The following ABI3 variants were observed in gnomAD, a reference collection of about 807,000 sequenced individuals.
ABI3 encodes ABI family member 3.
ABI3 carries 24 observed loss-of-function variants against 37.0 expected under a neutral mutation model. The observed-to-expected ratio is 0.65, with a 90% CI of 0.47 to 0.91. The LOEUF (loss-of-function observed/expected upper bound fraction) is 0.91, where lower values mean the gene tolerates loss of function less well. Ranked by LOEUF, ABI3 falls within the 40% of genes least tolerant of loss-of-function variation. The pLI is 0.00. For synonymous variants in ABI3, 220 were observed against 211.8 expected, an observed-to-expected ratio of 1.04 and a Z score of -0.34; for missense variants, 481 against 485.1, an observed-to-expected ratio of 0.99 and a Z score of 0.08.
At chr17:49,213,655 A>G (rs1176719582) in intron 1 of ABI3, among the ~76,000 whole-genome samples, 1 of 152,212 alleles carries the variant, frequency 6.6e-6, no homozygotes, top group African/African-American at 2.4e-5. Flanking sequence ...GTCCCTGCGG[A>G]CCTAACTTTG....
At chr17:49,216,438 C>G in intron 1 of ABI3, 93 bp from the exon 2 acceptor site, 4 of 1,257,922 alleles carry the variant, frequency 3.2e-6, no homozygotes, top group Non-Finnish European at 4.1e-6. Context: ...AATCCAGCCC[C>G]TACTTTCCCT....
chr17:49,214,642 G>A (rs948163973), intron 1 of ABI3, among the ~76,000 whole-genome samples: 6 of 152,172 alleles, frequency 3.9e-5, no homozygotes, highest in Admixed American at 6.5e-5. Flanking sequence ...CCCAGGAGGC[G>A]GAGGTTGGGG....
Position 49,210,854 on chromosome 17 carries a change from GGCGGAA to G in ABI3, c.117+16_117+21del, listed in dbSNP as rs2043158536. 4.5e-6 allele frequency: 7 copies of G among 1,541,574 alleles called. No homozygotes were observed. Among genetic ancestry groups the G allele is most frequent in the Middle Eastern group, 1.7e-4 (1 of 5,860 alleles). Reference sequence around the variant, plus strand: ...CAACTATGTGCAGGTAGGTAGAGCGGGCGGAAGCCTGACACCCCAGCCCCCGGAGGG... The same window carrying G: ...CAACTATGTGCAGGTAGGTAGAGCGGGCCTGACACCCCAGCCCCCGGAGGG... On this transcript the variant is annotated intron_variant, in intron 1 of 7. Coordinates refer to ENST00000225941, the MANE Select transcript of ABI3 (RefSeq NM_016428.3). The surrounding 1 kb of genome is among the most constrained non-coding windows in gnomAD (Gnocchi z 4.2).
At chr17:49,218,328 T>G (rs1252786147) in intron 3 of ABI3, among the ~76,000 whole-genome samples, 2 of 152,112 alleles carry the variant, frequency 1.3e-5, no homozygotes, top group Non-Finnish European at 2.9e-5. Context: ...CTGCTGTTGG[T>G]GAGAAGAAGC....
rs1349128350 is a variant in ABI3 at position 49,219,130 on chromosome 17, A to G, written c.463-410A>G. On this transcript the variant is annotated intron_variant, in intron 3 of 7. Transcript: ENST00000225941. This position sits in a 1 kb window ranked among gnomAD's most constrained non-coding sequence, Gnocchi z 4.3. ...TAACTCCCCAAAGCCAGTTCCACAA[A>G]TCTTCGAAAATGAAAGGTGGGACAC... is the stretch of plus-strand genomic sequence containing the variant. 2.0e-5 allele frequency among the ~76,000 whole-genome samples: 3 copies of G among 152,082 alleles called. No homozygotes were observed. The highest frequency in any genetic ancestry group is 4.4e-5 in the Non-Finnish European group (3 of 68,010).
intron 1 of ABI3, among the ~76,000 whole-genome samples, chr17:49,215,787 C>T (rs1054546306): frequency 6.6e-6 from 1 of 151,092 alleles, no homozygotes; most frequent in Non-Finnish European, 1.5e-5. Context: ...TGTAAGCCAC[C>T]GTGCCTGACA....
In ABI3 at chr17:49,219,965, A is replaced by G. The variant is rs1382427138; in HGVS notation, c.644+12A>G. 1 of 1,271,152 alleles carries G rather than the reference A, an allele frequency of 7.9e-7. No homozygotes were observed. The highest frequency in any genetic ancestry group is 2.5e-5 in the East Asian group (1 of 40,088). The allele number at this position is 1,271,152 out of a possible 1,614,324, so 78.7% of individuals were successfully genotyped here. On this transcript the variant is annotated intron_variant, in intron 5 of 7. Coordinates refer to ENST00000225941, the MANE Select transcript of ABI3 (RefSeq NM_016428.3). The surrounding 1 kb of genome is among the most constrained non-coding windows in gnomAD (Gnocchi z 4.3). ...CTGGCCTCGGCCGGGTGAGACCTAC[A>G]AGCCCACGTGGGTGGGTGGGGGGTG...
At chr17:49,218,637 C>G (rs1452711628) in intron 3 of ABI3, among the ~76,000 whole-genome samples, 4 of 149,336 alleles carry the variant, frequency 2.7e-5, no homozygotes, top group Non-Finnish European at 5.9e-5. Flanking sequence ...GAGTTTCGCT[C>G]TTGTTGTCCA....
In ABI3 at chr17:49,219,977, G is replaced by T; in HGVS notation, c.644+24G>T. The T allele has an allele frequency of 1.6e-6, 2 of 1,247,470 alleles. No homozygotes were observed. Among genetic ancestry groups the T allele is most frequent in the South Asian group, 2.6e-5 (2 of 78,304 alleles). 77.3% of individuals were successfully genotyped at this position (1,247,470 alleles called of 1,614,324 possible). A position where few individuals can be genotyped will look rare whatever the true frequency, so the allele number is the denominator to read the frequency against. On this transcript the variant is annotated intron_variant, in intron 5 of 7. Coordinates refer to ENST00000225941, the MANE Select transcript of ABI3 (RefSeq NM_016428.3). This position sits in a 1 kb window ranked among gnomAD's most constrained non-coding sequence, Gnocchi z 4.3. The stretch of plus-strand genomic sequence containing the variant: ...GGGTGAGACCTACAAGCCCACGTGG[G>T]TGGGTGGGGGGTGGGAAGTGGCTTT...
In ABI3 at chr17:49,220,271, C is replaced by G. The variant is rs749003957; in HGVS notation, c.747C>G (p.Ala249=). 65 of 1,607,002 alleles carry G rather than the reference C, an allele frequency of 4.0e-5. 1 individual carries two copies. The highest frequency in any genetic ancestry group is 7.8e-5 in the South Asian group (7 of 89,826). The stretch of plus-strand genomic sequence containing the variant: ...TGGACCCACCTCCTCCACCAGCAGC[C>G]GTCGAGGTGTTCCAGCGGCCTCCCA... ...SSLDPPPPPA[A]VEVFQRPPTL... Residue 249 remains alanine (A), a synonymous_variant, in exon 6 of 8, where the codon GCC becomes GCG. Coordinates refer to ENST00000225941, the MANE Select transcript of ABI3 (RefSeq NM_016428.3).
chr17:49,220,305 G>C lies in ABI3; in HGVS notation c.781G>C (p.Glu261Gln). Reference protein sequence around the residue: ...EVFQRPPTLEELSPPPPDEEL... With the variant: ...EVFQRPPTLEQLSPPPPDEEL... ...GTTCCAGCGGCCTCCCACGCTGGAG[G>C]AGTTGTCCCCACCCCCACCGGGTAA... Residue 261 changes from glutamate (E) to glutamine (Q), a missense_variant, in exon 6 of 8, where the codon GAG becomes CAG. Transcript: ENST00000225941. 6.3e-7 allele frequency: 1 copy of C among 1,594,742 alleles called. No individual in the cohort carries two copies. Among genetic ancestry groups the C allele is most frequent in the Non-Finnish European group, 8.5e-7 (1 of 1,171,018 alleles).
At chr17:49,211,280 C>T (rs548590432) in intron 1 of ABI3, among the ~76,000 whole-genome samples, 1 of 152,290 alleles carries the variant, frequency 6.6e-6, no homozygotes, top group East Asian at 1.9e-4. Flanking sequence ...GAAAGGGGCT[C>T]TTTCCCTGAG....
chr17:49,211,461 A>G (rs1259473030), intron 1 of ABI3, among the ~76,000 whole-genome samples: 1 of 152,228 alleles, frequency 6.6e-6, no homozygotes, highest in Non-Finnish European at 1.5e-5. Context: ...CCTGGGGCTG[A>G]GAACATAGAT....
chr17:49,222,968 G>T lies in ABI3; in HGVS notation c.*253G>T. ...GAGGACCCCTACTCCATGCAGGACA[G>T]GGTCTCCTGCTGCAAGTCCCAACTT... On this transcript the variant is annotated 3_prime_UTR_variant, in exon 8 of 8. Transcript: ENST00000225941. 1.9e-6 allele frequency: 1 copy of T among 529,290 alleles called. No individual in the cohort carries two copies. The highest frequency in any genetic ancestry group is 1.9e-5 in the African/African-American group (1 of 53,026). 32.8% of individuals were successfully genotyped at this position (529,290 alleles called of 1,614,324 possible).
At position 49,222,686 on chromosome 17, in the gene ABI3, C is replaced by G. The variant is rs999849494; in HGVS notation, c.1072C>G (p.Pro358Ala). 3 of 1,590,652 alleles carry G rather than the reference C, an allele frequency of 1.9e-6. No individual in the cohort carries two copies. Among genetic ancestry groups the G allele is most frequent in the Non-Finnish European group, 2.6e-6 (3 of 1,168,646 alleles). ...GVSSEGTGFF[P>A]GNYVEPSC ...CAGCTCAGAGGGGACTGGATTCTTC[C>G]CTGGGAACTATGTGGAGCCCAGCTG... The change falls in exon 8 of 8, where the codon CCT (proline) becomes GCT (alanine). Residue 358 changes from proline (P) to alanine (A), a missense_variant. Pro to Ala is a conservative substitution (Grantham distance 27, BLOSUM62 -1). Transcript: ENST00000225941.
chr17:49,222,537 TCTC>T lies in ABI3; in HGVS notation c.938-14_938-12del. ...GAGGCATTATCTCACGGCACCCTCT[TCTC>T]TTGCCCTGCAGTGGTGACACTGTAC... On this transcript the variant is annotated splice_polypyrimidine_tract_variant and intron_variant, in intron 7 of 7. Transcript: ENST00000225941. 1 of 1,612,520 alleles carries T rather than the reference TCTC, an allele frequency of 6.2e-7. No individual in the cohort carries two copies. Among genetic ancestry groups the T allele is most frequent in the Non-Finnish European group, 8.5e-7 (1 of 1,179,132 alleles).
chr17:49,210,761 C>T lies in ABI3; in HGVS notation c.37C>T (p.Pro13Ser). Residue 13 changes from proline to serine, a missense_variant, in exon 1 of 8, where the codon CCC becomes TCC. Pro to Ser is a moderately conservative substitution (Grantham distance 74, BLOSUM62 -1). Coordinates refer to ENST00000225941, the MANE Select transcript of ABI3 (RefSeq NM_016428.3). The surrounding 1 kb of genome is among the most constrained non-coding windows in gnomAD (Gnocchi z 4.2). ...ELQQLQEFEI[P>S]TGREALRGNH... ...ACAGCAGCTGCAGGAGTTTGAGATC[C>T]CCACTGGCCGGGAGGCTCTGAGGGG... 1 of 1,555,984 alleles carries T rather than the reference C, an allele frequency of 6.4e-7. No individual in the cohort carries two copies. Among genetic ancestry groups the T allele is most frequent in the Admixed American group, 1.9e-5 (1 of 51,678 alleles).
At chr17:49,212,366 C>G (rs1274058452) in intron 1 of ABI3, among the ~76,000 whole-genome samples, 2 of 152,234 alleles carry the variant, frequency 1.3e-5, no homozygotes, top group East Asian at 3.8e-4. Context: ...CCTCTGCTCC[C>G]TGAAGAGCTG....
chr17:49,218,764 C>T (rs659829), intron 3 of ABI3, among the ~76,000 whole-genome samples: 81 of 142,058 alleles, frequency 5.7e-4, no homozygotes, highest in African/African-American at 2.2e-3. Flanking sequence ...CCACCATGCC[C>T]GGCTAATTTT....
Sources: allele counts gnomAD v4.1 joint callset (sites outside exome capture counted in the v4.1 genomes callset), GRCh38; gene constraint gnomAD v4.1.1; non-coding constraint Gnocchi (gnomAD v3.1); transcripts MANE v1.5; gene names NCBI Gene and HGNC (gene_info 2026-07-23, HGNC 2026-07-21).